Variants in DSTN observed in about 807,000 individuals in gnomAD.
DSTN encodes the protein destrin.
DSTN carries 10 observed loss-of-function variants against 16.8 expected under a neutral mutation model. The observed-to-expected ratio is 0.60, with a 90% CI of 0.37 to 1.01. The LOEUF is 1.01. Ranked by LOEUF, DSTN falls within the 50% of genes least tolerant of loss-of-function variation. The pLI is 0.01. For missense variants in DSTN, 141 were observed against 196.7 expected, an observed-to-expected ratio of 0.72 and a Z score of 1.69; for synonymous variants, 57 against 58.9, an observed-to-expected ratio of 0.97 and a Z score of 0.14.
At chr20:17,586,750 A>C (rs1256855760) in intron 1 of DSTN, among the ~76,000 whole-genome samples, 1 of 152,278 alleles carries the variant, frequency 6.6e-6, no homozygotes, top group East Asian at 1.9e-4. Context: ...CTCTAACTAG[A>C]TTTTCTGGTT....
intron 3 of DSTN, 85 bp from the exon 4 acceptor site, chr20:17,606,952 T>C: frequency 7.6e-7 from 1 of 1,308,632 alleles, no homozygotes; most frequent in Non-Finnish European, 1.1e-6. Context: ...AGATTAGAAC[T>C]GGTCTTTTAA....
At chr20:17,587,602 AGAATT>A (rs1335520726) in intron 1 of DSTN, among the ~76,000 whole-genome samples, 1 of 152,220 alleles carries the variant, frequency 6.6e-6, no homozygotes, top group East Asian at 1.9e-4. Context: ...GTAGTAAACT[AGAATT>A]GAAGTCTTTA....
chr20:17,582,118 G>GC (rs112615497), intron 1 of DSTN, among the ~76,000 whole-genome samples: 4,290 of 132,940 alleles, frequency 0.032, 190 homozygotes, highest in African/African-American at 0.11. Context: ...TCACCCTGTT[G>GC]CCCAGGCTGG....
At chr20:17,597,374 G>A (rs1411881326) in intron 1 of DSTN, among the ~76,000 whole-genome samples, 1 of 152,116 alleles carries the variant, frequency 6.6e-6, no homozygotes, top group East Asian at 1.9e-4. Context: ...TGATGAAATA[G>A]CCCAGTTACC....
chr20:17,588,237 G>A (rs897052372), intron 1 of DSTN, among the ~76,000 whole-genome samples: 7 of 152,276 alleles, frequency 4.6e-5, no homozygotes, highest in African/African-American at 1.7e-4. Flanking sequence ...GAGACCTCAG[G>A]TACTTTTGGT....
intron 1 of DSTN, among the ~76,000 whole-genome samples, chr20:17,574,115 T>C (rs1445153124): frequency 6.6e-6 from 1 of 151,970 alleles, no homozygotes; most frequent in Non-Finnish European, 1.5e-5. Context: ...GAGGTGGGAG[T>C]ATTGCTTGAG....
intron 1 of DSTN, among the ~76,000 whole-genome samples, chr20:17,591,779 A>C (rs73258680): frequency 0.055 from 8,427 of 152,294 alleles, 320 homozygotes; most frequent in East Asian, 0.12. Flanking sequence ...TGACTTGCCT[A>C]AGGTGACATA....
chr20:17,590,112 T>A (rs562445170), intron 1 of DSTN, among the ~76,000 whole-genome samples: 1 of 152,344 alleles, frequency 6.6e-6, no homozygotes, highest in African/African-American at 2.4e-5. Flanking sequence ...GTTCAGTTAT[T>A]TACAAAAATC....
intron 1 of DSTN, among the ~76,000 whole-genome samples, chr20:17,593,726 G>C (rs1233609083): frequency 1.3e-5 from 2 of 152,332 alleles, no homozygotes; most frequent in South Asian, 2.1e-4. Flanking sequence ...AGCCAGGGTA[G>C]TGAAATTGCA....
At chr20:17,586,416 T>C (rs987396232) in intron 1 of DSTN, among the ~76,000 whole-genome samples, 1 of 152,196 alleles carries the variant, frequency 6.6e-6, no homozygotes, top group African/African-American at 2.4e-5. Context: ...GATTTTGATT[T>C]ATAGCTGCAG....
At chr20:17,578,787 C>A (rs1440514463) in intron 1 of DSTN, among the ~76,000 whole-genome samples, 1 of 151,866 alleles carries the variant, frequency 6.6e-6, no homozygotes, top group African/African-American at 2.4e-5. Flanking sequence ...GTGCTGAAAC[C>A]CCCTCCTCTG....
chr20:17,604,875 C>T (rs892585030), intron 3 of DSTN, among the ~76,000 whole-genome samples: 1 of 152,170 alleles, frequency 6.6e-6, no homozygotes, highest in African/African-American at 2.4e-5. Context: ...CTATATATAT[C>T]GTTTATTCAG....
intron 1 of DSTN, among the ~76,000 whole-genome samples, 179 bp downstream of exon 1, chr20:17,570,390 C>T (rs1372765001): frequency 2.0e-5 from 3 of 152,212 alleles, no homozygotes; most frequent in East Asian, 3.9e-4. Flanking sequence ...CTCCCGCCGT[C>T]CTGGCTGGGC....
intron 3 of DSTN, chr20:17,605,105 C>T (rs954045492): frequency 1.1e-5 from 5 of 456,218 alleles, no homozygotes; most frequent in African/African-American, 1.0e-4. Flanking sequence ...CATCTGTGTC[C>T]CAAGGAAAGT....
intron 1 of DSTN, among the ~76,000 whole-genome samples, chr20:17,574,793 ACTTT>A (rs1010216703): frequency 2.1e-5 from 3 of 145,184 alleles, no homozygotes; most frequent in Non-Finnish European, 3.0e-5. Context: ...AACATGACTG[ACTTT>A]CTTTTCTTTC....
intron 1 of DSTN, among the ~76,000 whole-genome samples, chr20:17,580,581 T>C (rs967142451): frequency 1.3e-5 from 2 of 152,120 alleles, no homozygotes; most frequent in African/African-American, 4.8e-5. Flanking sequence ...ACCCTGTCTC[T>C]ACTAAAAATA....
intron 2 of DSTN, among the ~76,000 whole-genome samples, chr20:17,602,387 C>T (rs915920464): frequency 9.8e-5 from 15 of 152,316 alleles, no homozygotes; most frequent in African/African-American, 3.6e-4. Context: ...AGCTGAGTGG[C>T]AGACAGGCCA....
chr20:17,592,823 C>T (rs2035484144), intron 1 of DSTN, among the ~76,000 whole-genome samples: 1 of 152,206 alleles, frequency 6.6e-6, no homozygotes, highest in African/African-American at 2.4e-5. Context: ...CAATTGATTG[C>T]ACCTATGCAG....
rs1568742692 is a variant in DSTN, at chr20:17,607,391, T to G, written c.*245T>G. ...TTTGATGAGTTGATTTATAAAGATT[T>G]TTGTTAAGCTCAGGATTTTAAATTA... On this transcript the variant is annotated 3_prime_UTR_variant, in exon 4 of 4. Transcript: ENST00000246069. 3 of 384,240 alleles carry G rather than the reference T, an allele frequency of 7.8e-6. No individual in the cohort carries two copies. The highest frequency in any genetic ancestry group is 6.7e-4 in the Middle Eastern group (1 of 1,490). The allele number at this position is 384,240 out of a possible 1,614,324, so 23.8% of individuals were successfully genotyped here. A position where few individuals can be genotyped will look rare whatever the true frequency, so the allele number is the denominator to read the frequency against.
Sources: allele counts gnomAD v4.1 joint callset (sites outside exome capture counted in the v4.1 genomes callset), GRCh38; gene constraint gnomAD v4.1.1; transcripts MANE v1.5; gene names NCBI Gene and HGNC (gene_info 2026-07-23, HGNC 2026-07-21).